Variants in WNT3 observed in about 807,000 individuals in gnomAD.
WNT3 encodes proto-oncogene Wnt-3.
Under a neutral mutation model 34.2 loss-of-function variants are expected in WNT3, and 7 were observed. That is an observed-to-expected ratio of 0.20 (90% CI 0.12 to 0.38). WNT3 has a LOEUF of 0.38. WNT3 is among the 10% of genes least tolerant of loss of function. The pLI, the probability that WNT3 is intolerant of heterozygous loss-of-function variation, is 1.00. For missense variants in WNT3, 267 were observed against 499.8 expected, an observed-to-expected ratio of 0.53 and a Z score of 4.44; for synonymous variants, 212 against 211.5, an observed-to-expected ratio of 1.00 and a Z score of -0.02.
chr17:46,768,412 G>A lies in WNT3; in HGVS notation c.976C>T (p.Arg326Trp), dbSNP rs774595709. 1 of 1,613,824 alleles carries A rather than the reference G, an allele frequency of 6.2e-7. No individual in the cohort carries two copies. The highest frequency in any genetic ancestry group is 8.5e-7 in the Non-Finnish European group (1 of 1,180,016). ...GRGHNTRTEK[R>W]KEKCHCIFHW... ...AAGATGCAGTGGCATTTTTCCTTCC[G>A]CTTCTCCGTCCTCGTGTTGTGGCCC... Residue 326 changes from arginine to tryptophan, a missense_variant, in exon 4 of 5, where the codon CGG becomes TGG. Coordinates refer to ENST00000225512, the MANE Select transcript of WNT3 (RefSeq NM_030753.5). The surrounding 1 kb of genome is among the most constrained non-coding windows in gnomAD (Gnocchi z 5.0).
At chr17:46,788,587 C>A (rs2083937162) in intron 1 of WNT3, among the ~76,000 whole-genome samples, 1 of 152,228 alleles carries the variant, frequency 6.6e-6, no homozygotes, top group South Asian at 2.1e-4. Context: ...TGGCCATTTC[C>A]CCAGCTCTTA....
intron 1 of WNT3, among the ~76,000 whole-genome samples, chr17:46,776,986 C>T (rs1385118660): frequency 2.0e-5 from 3 of 152,126 alleles, no homozygotes; most frequent in African/African-American, 7.2e-5. Context: ...GAGGCTGAGC[C>T]CTGGTCCAGC....
chr17:46,814,781 A>T lies in WNT3; in HGVS notation c.80+3737T>A, dbSNP rs145675175. ...TGACCCCCACGGGGTTTGACTGAAC[A>T]TGTTCACAAGCCTCTGAAAGGTGGG... On this transcript the variant is annotated intron_variant, in intron 1 of 4. Coordinates refer to ENST00000225512, the MANE Select transcript of WNT3 (RefSeq NM_030753.5). Among the ~76,000 whole-genome samples, 640 of 152,242 alleles carry T rather than the reference A, an allele frequency of 4.2e-3. 10 individuals are homozygous for T. Among genetic ancestry groups the T allele is most frequent in the African/African-American group, 0.014 (593 of 41,540 alleles).
In WNT3 at chr17:46,779,103, A is replaced by ACACACACACACACACACACCCC. The variant is rs749719578; in HGVS notation, c.81-5195_81-5194insGGGGTGTGTGTGTGTGTGTGTG. ...CACACACACACACACACACACACACACCCCAGCCCACTCGGCCTTCCAAAG... is the reference window on the plus strand; with the variant it reads ...CACACACACACACACACACACACACACACACACACACACACACACCCCCCCCAGCCCACTCGGCCTTCCAAAG... On this transcript the variant is annotated intron_variant, in intron 1 of 4. Transcript: ENST00000225512. Among the ~76,000 whole-genome samples, 20 of 133,662 alleles carry ACACACACACACACACACACCCC rather than the reference A, an allele frequency of 1.5e-4. 1 individual carries two copies. The highest frequency in any genetic ancestry group is 1.0e-3 in the East Asian group (4 of 3,900). The allele number at this position is 133,662 out of a possible 152,430, so 87.7% of individuals were successfully genotyped here. A position where few individuals can be genotyped will look rare whatever the true frequency, so the allele number is the denominator to read the frequency against.
At chr17:46,783,524 C>A (rs150159708) in intron 1 of WNT3, among the ~76,000 whole-genome samples, 22 of 152,328 alleles carry the variant, frequency 1.4e-4, no homozygotes, top group East Asian at 3.9e-4. Context: ...GACCAACAAG[C>A]ATTTCTTGAG....
chr17:46,773,992 C>T (rs1568077031), intron 1 of WNT3, 83 bp from the exon 2 acceptor site: 24 of 1,543,578 alleles, frequency 1.6e-5, no homozygotes, highest in South Asian at 1.3e-4. Flanking sequence ...TGTGAACCCT[C>T]CGGGGTAGGT....
At chr17:46,778,084 G>A (rs953789455) in intron 1 of WNT3, among the ~76,000 whole-genome samples, 4 of 152,218 alleles carry the variant, frequency 2.6e-5, no homozygotes, top group African/African-American at 9.6e-5. Flanking sequence ...CATGGCACGT[G>A]GGGAGCCCTT....
chr17:46,788,928 G>A (rs2146418242), intron 1 of WNT3, among the ~76,000 whole-genome samples: 1 of 152,338 alleles, frequency 6.6e-6, no homozygotes. Context: ...TCCACAGTTT[G>A]GGAGTCCTTT....
rs1255504345 is a variant in WNT3 at position 46,818,458 on chromosome 17, C to G, written c.80+60G>C. 3.6e-5 allele frequency: 55 copies of G among 1,543,454 alleles called. No homozygotes were observed. The East Asian group carries it at 1.3e-3, about 36-fold the overall frequency. On this transcript the variant is annotated intron_variant, in intron 1 of 4. Transcript: ENST00000225512. ...AGCGGCCCACCCCCAGCCGGCGCCC[C>G]CACCTTCCCCGGACGCGGCGGAGAA... is the stretch of plus-strand genomic sequence containing the variant.
At chr17:46,784,560 C>A (rs2146407626) in intron 1 of WNT3, among the ~76,000 whole-genome samples, 1 of 152,238 alleles carries the variant, frequency 6.6e-6, no homozygotes, top group Non-Finnish European at 1.5e-5. Flanking sequence ...GGGCAGCCAG[C>A]CCAGCTTCAG....
chr17:46,814,941 A>C (rs960833622), intron 1 of WNT3, among the ~76,000 whole-genome samples: 1 of 152,148 alleles, frequency 6.6e-6, no homozygotes, highest in African/African-American at 2.4e-5. Flanking sequence ...TTCCCAGCTC[A>C]CTGCCCTTGT....
rs114390053 is a variant in WNT3, at chr17:46,805,805, C to G, written c.80+12713G>C. On this transcript the variant is annotated intron_variant, in intron 1 of 4. Transcript: ENST00000225512. ...ATATTCACATCCCCAGGAAGAAAAC[C>G]TGGGCCTGGATTAAGGAAAGACTGA... Among the ~76,000 whole-genome samples, 1,373 of 152,220 alleles carry G rather than the reference C, an allele frequency of 9.0e-3. 20 individuals are homozygous for G. Among genetic ancestry groups the G allele is most frequent in the African/African-American group, 0.027 (1,140 of 41,530 alleles).
At chr17:46,781,795 T>G (rs1435246097) in intron 1 of WNT3, among the ~76,000 whole-genome samples, 1 of 152,208 alleles carries the variant, frequency 6.6e-6, no homozygotes, top group South Asian at 2.1e-4. Flanking sequence ...AGAGCCCCTG[T>G]GCAGGACGAA....
intron 2 of WNT3, among the ~76,000 whole-genome samples, chr17:46,772,294 G>C (rs1264080823): frequency 6.6e-6 from 1 of 152,234 alleles, no homozygotes; most frequent in Non-Finnish European, 1.5e-5. Context: ...GGCCATCTAG[G>C]GACCGGGGCG....
chr17:46,814,664 G>C (rs562092810), intron 1 of WNT3, among the ~76,000 whole-genome samples: 4 of 152,216 alleles, frequency 2.6e-5, no homozygotes, highest in Non-Finnish European at 5.9e-5. Flanking sequence ...CAGCCCCAGC[G>C]AGCTGTAATT....
At chr17:46,813,497 C>T (rs2084302597) in intron 1 of WNT3, among the ~76,000 whole-genome samples, 1 of 151,044 alleles carries the variant, frequency 6.6e-6, no homozygotes. Context: ...GCTAGGCATA[C>T]CTCCTCCCTG....
intron 1 of WNT3, among the ~76,000 whole-genome samples, chr17:46,780,733 C>T (rs1011884547): frequency 3.3e-5 from 5 of 151,924 alleles, no homozygotes; most frequent in Middle Eastern, 3.4e-3. Flanking sequence ...GCTGAGATGG[C>T]GCCACTGCGC....
At chr17:46,766,457 A>G (rs1439687412) in intron 4 of WNT3, among the ~76,000 whole-genome samples, 1 of 151,666 alleles carries the variant, frequency 6.6e-6, no homozygotes, top group East Asian at 1.9e-4. Context: ...ACCACTGAAC[A>G]GAGGAGGAAA....
intron 1 of WNT3, among the ~76,000 whole-genome samples, chr17:46,785,262 T>G (rs565930793): frequency 6.6e-6 from 1 of 152,302 alleles, no homozygotes; most frequent in East Asian, 1.9e-4. Context: ...TCACGTTGCC[T>G]CGGCTTAACT....
Sources: allele counts gnomAD v4.1 joint callset (sites outside exome capture counted in the v4.1 genomes callset), GRCh38; gene constraint gnomAD v4.1.1; non-coding constraint Gnocchi (gnomAD v3.1); transcripts MANE v1.5; gene names NCBI Gene and HGNC (gene_info 2026-07-23, HGNC 2026-07-21).